Variants in TPST1 observed in about 807,000 individuals in gnomAD.
TPST1 encodes the protein tyrosylprotein sulfotransferase 1.
A neutral mutation model predicts 34.8 loss-of-function variants in TPST1; 20 were observed. That is an observed-to-expected ratio of 0.57 (90% CI 0.40 to 0.84). The LOEUF (loss-of-function observed/expected upper bound fraction) is 0.84. Among genes scored for constraint, TPST1 ranks in the 40% least tolerant of loss-of-function variants. TPST1 has a pLI of 0.00. For synonymous variants in TPST1, 152 were observed against 159.4 expected (o/e 0.95, Z 0.35); for missense variants, 353 against 455.5 (o/e 0.78, Z 2.05).
intron 3 of TPST1, among the ~76,000 whole-genome samples, chr7:66,334,559 T>A (rs1488507444): frequency 6.8e-6 from 1 of 146,286 alleles, no homozygotes; most frequent in Admixed American, 7.1e-5. Context: ...TTGCTTGAAC[T>A]CGGGAGTTGG....
At chr7:66,318,291 A>G (rs908739196) in intron 3 of TPST1, among the ~76,000 whole-genome samples, 3 of 152,106 alleles carry the variant, frequency 2.0e-5, no homozygotes, top group Non-Finnish European at 2.9e-5. Flanking sequence ...ATTACTGTTG[A>G]ATATTTAAGT....
At chr7:66,271,830 T>C (rs900950878) in intron 2 of TPST1, among the ~76,000 whole-genome samples, 2 of 152,188 alleles carry the variant, frequency 1.3e-5, no homozygotes, top group Non-Finnish European at 2.9e-5. Flanking sequence ...TTAGGATTTT[T>C]TTTTTTCATT....
upstream of TPST1, among the ~76,000 whole-genome samples, chr7:66,203,118 C>T (rs1338749401): frequency 2.0e-5 from 3 of 152,040 alleles, no homozygotes; most frequent in South Asian, 6.2e-4. Context: ...TGCTGTCTAC[C>T]ATCTTATAGT....
intron 3 of TPST1, among the ~76,000 whole-genome samples, chr7:66,300,457 A>G (rs545267839): frequency 1.3e-5 from 2 of 152,154 alleles, no homozygotes; most frequent in Non-Finnish European, 2.9e-5. Context: ...GAACCTCTCA[A>G]TGTCATCTGT....
chr7:66,281,300 G>A (rs1790928257), intron 2 of TPST1, among the ~76,000 whole-genome samples: 1 of 152,042 alleles, frequency 6.6e-6, no homozygotes, highest in South Asian at 2.1e-4. Context: ...TTTTTTTGTT[G>A]TATCTCTGAT....
At chr7:66,213,536 A>G (rs1361406379) in intron 1 of TPST1, among the ~76,000 whole-genome samples, 1 of 152,120 alleles carries the variant, frequency 6.6e-6, no homozygotes, top group East Asian at 1.9e-4. Flanking sequence ...CGGGCAGATC[A>G]CGAGGTCGGG....
chr7:66,325,409 T>C (rs1791843759), intron 3 of TPST1, among the ~76,000 whole-genome samples: 1 of 152,164 alleles, frequency 6.6e-6, no homozygotes, highest in African/African-American at 2.4e-5. Context: ...GATTTTTTCG[T>C]TGTTCCCTCA....
In TPST1 at chr7:66,227,028, C is replaced by CTTTTTTTTTTTTTTTTTTTTTTTTTT. The variant is rs546339747; in HGVS notation, c.-101-13274_-101-13273insTTTTTTTTTTTTTTTTTTTTTTTTTT. On this transcript the variant is annotated intron_variant, in intron 1 of 5. Coordinates refer to ENST00000304842, the MANE Select transcript of TPST1 (RefSeq NM_003596.4). Reference sequence around the variant, plus strand: ...TTGGTGTTGGATGCCTTAAAATAAGCTTTTTTTTTTTTTTTTTTTTTTTGA... The same window carrying CTTTTTTTTTTTTTTTTTTTTTTTTTT: ...TTGGTGTTGGATGCCTTAAAATAAGCTTTTTTTTTTTTTTTTTTTTTTTTTTTTTTTTTTTTTTTTTTTTTTTTTGA... Among the ~76,000 whole-genome samples the CTTTTTTTTTTTTTTTTTTTTTTTTTT allele has an allele frequency of 4.3e-5, 3 of 69,206 alleles. 1 individual carries two copies. Among genetic ancestry groups the CTTTTTTTTTTTTTTTTTTTTTTTTTT allele is most frequent in the Admixed American group, 2.3e-4 (1 of 4,358 alleles). The allele number at this position is 69,206 out of a possible 152,430, so 45.4% of individuals were successfully genotyped here.
chr7:66,238,315 CG>C (rs1385100901), intron 1 of TPST1, among the ~76,000 whole-genome samples: 1 of 150,952 alleles, frequency 6.6e-6, no homozygotes, highest in Non-Finnish European at 1.5e-5. Flanking sequence ...AGAATTCCTT[CG>C]TTATTTTGTC....
chr7:66,286,425 C>A, intron 2 of TPST1, 86 bp from the exon 3 acceptor site: 1 of 1,055,756 alleles, frequency 9.5e-7, no homozygotes, highest in South Asian at 3.3e-5. Flanking sequence ...AACTGTTAGT[C>A]ATTAAAACAT....
At chr7:66,315,933 A>G (rs1791623879) in intron 3 of TPST1, among the ~76,000 whole-genome samples, 1 of 152,064 alleles carries the variant, frequency 6.6e-6, no homozygotes, top group African/African-American at 2.4e-5. Flanking sequence ...CAACATGGAG[A>G]AACCCTGCCT....
In TPST1 at chr7:66,217,093, T is replaced by C. The variant is rs386500414; in HGVS notation, c.-102+11571T>C. The stretch of plus-strand genomic sequence containing the variant: ...TTCAGTGGTTTAAATATATTGGGAC[T>C]TGTTCGAAAGCCTAACACATGGTCT... On this transcript the variant is annotated intron_variant, in intron 1 of 5. Transcript: ENST00000304842. Among the ~76,000 whole-genome samples the C allele has an allele frequency of 1.2e-3, 182 of 152,352 alleles. 1 individual carries two copies. The highest frequency in any genetic ancestry group is 2.8e-3 in the Admixed American group (43 of 15,290).
intron 3 of TPST1, among the ~76,000 whole-genome samples, chr7:66,316,670 A>G (rs1311945519): frequency 6.6e-6 from 1 of 152,234 alleles, no homozygotes; most frequent in African/African-American, 2.4e-5. Context: ...TAACATACGG[A>G]CTATCACTAA....
intron 3 of TPST1, among the ~76,000 whole-genome samples, chr7:66,342,124 G>A (rs1227866158): frequency 6.6e-6 from 1 of 152,196 alleles, no homozygotes. Flanking sequence ...AGATGGACAT[G>A]TATCTGTTTC....
At chr7:66,201,616 G>A (rs1789036346), upstream of TPST1, among the ~76,000 whole-genome samples, 1 of 151,838 alleles carries the variant, frequency 6.6e-6, no homozygotes, top group African/African-American at 2.4e-5. Context: ...GCTTGAACCT[G>A]GGAGGCAGAG....
intron 2 of TPST1, among the ~76,000 whole-genome samples, chr7:66,256,811 A>G (rs1790391541): frequency 6.6e-6 from 1 of 152,100 alleles, no homozygotes; most frequent in South Asian, 2.1e-4. Context: ...CCAATGACTC[A>G]TGTCTCTTGC....
At chr7:66,256,648 T>C (rs1036838284) in intron 2 of TPST1, among the ~76,000 whole-genome samples, 1 of 152,198 alleles carries the variant, frequency 6.6e-6, no homozygotes, top group Non-Finnish European at 1.5e-5. Flanking sequence ...ATCTCAGAAG[T>C]GACATCCTAT....
rs138636567 is a variant in TPST1 at position 66,242,679 on chromosome 7, C to T, written c.845+1409C>T. Among the ~76,000 whole-genome samples the T allele has an allele frequency of 3.5e-4, 53 of 152,124 alleles. 1 individual carries two copies. In the East Asian group the frequency reaches 3.7e-3, roughly 11 times the overall value. The stretch of plus-strand genomic sequence containing the variant: ...CAGTCTTTGTGCTTGTATGTTGGCC[C>T]GGCACCGATGCCACCTACATCTGCT... On this transcript the variant is annotated intron_variant, in intron 2 of 5. Coordinates refer to ENST00000304842, the MANE Select transcript of TPST1 (RefSeq NM_003596.4).
At chr7:66,296,817 A>G (rs1245409234) in intron 3 of TPST1, among the ~76,000 whole-genome samples, 2 of 151,746 alleles carry the variant, frequency 1.3e-5, no homozygotes, top group Non-Finnish European at 2.9e-5. Flanking sequence ...TAAATTGGTA[A>G]TGAAACGTTA....
Sources: allele counts gnomAD v4.1 joint callset (sites outside exome capture counted in the v4.1 genomes callset), GRCh38; gene constraint gnomAD v4.1.1; transcripts MANE v1.5; gene names NCBI Gene and HGNC (gene_info 2026-07-23, HGNC 2026-07-21).